PPP6R3: variants seen among roughly 807,000 people sequenced by gnomAD.
PPP6R3 encodes serine/threonine-protein phosphatase 6 regulatory subunit 3.
PPP6R3 carries 38 observed loss-of-function variants against 110.7 expected under a neutral mutation model. The observed-to-expected ratio is 0.34, with a 90% CI of 0.26 to 0.45. The LOEUF is 0.45. Among genes scored for constraint, PPP6R3 ranks in the 20% least tolerant of loss-of-function variants. The pLI is 1.00. For missense variants in PPP6R3, 870 were observed against 1,062.4 expected (o/e 0.82, Z 2.52); for synonymous variants, 369 against 373.5 (o/e 0.99, Z 0.14).
At chr11:68,475,511 C>T (rs1170191989) in intron 1 of PPP6R3, among the ~76,000 whole-genome samples, 1 of 151,768 alleles carries the variant, frequency 6.6e-6, no homozygotes, top group South Asian at 2.1e-4. Flanking sequence ...TGCCCGCCAC[C>T]TCCCGGACGG....
rs748969558 is a variant in PPP6R3 at position 68,544,871 on chromosome 11, T to C, written c.261T>C (p.Ser87=). 1.9e-6 allele frequency: 3 copies of C among 1,607,534 alleles called. No homozygotes were observed. In the Admixed American group the frequency reaches 5.0e-5, roughly 27 times the overall value. ...YPNISCELLT[S]DVSQMNDRLG... ...ATATATCTTGTGAGTTGCTCACTTC[T>C]GATGTCTCCCAGATGAATGATAGAC... The change falls in exon 4 of 24, where the codon TCT becomes TCC. Residue 87 remains serine, a synonymous_variant. Coordinates refer to ENST00000393800, the MANE Select transcript of PPP6R3 (RefSeq NM_001164161.2).
Position 68,614,069 on chromosome 11 carries a change from A to G in PPP6R3, c.*952A>G, listed in dbSNP as rs975481289. On this transcript the variant is annotated 3_prime_UTR_variant, in exon 24 of 24. Transcript: ENST00000393800. ...GACCTAAAATAAATCCTATTAGGCAAGTCAGTTGAAAATGCTCGTGCTGCT... is the reference window on the plus strand; with the variant it reads ...GACCTAAAATAAATCCTATTAGGCAGGTCAGTTGAAAATGCTCGTGCTGCT... 1.0e-6 allele frequency: 1 copy of G among 985,826 alleles called. No individual in the cohort carries two copies. The highest frequency in any genetic ancestry group is 6.1e-5 in the Admixed American group (1 of 16,266). 61.1% of individuals were successfully genotyped at this position (985,826 alleles called of 1,614,324 possible). A position where few individuals can be genotyped will look rare whatever the true frequency, so the allele number is the denominator to read the frequency against.
At chr11:68,550,339 C>A (rs2099365960) in intron 5 of PPP6R3, among the ~76,000 whole-genome samples, 1 of 152,172 alleles carries the variant, frequency 6.6e-6, no homozygotes, top group African/African-American at 2.4e-5. Context: ...TCTGCCCCCG[C>A]TGCCCGCCCT....
chr11:68,563,628 T>G (rs1242942969), intron 8 of PPP6R3, among the ~76,000 whole-genome samples: 1 of 152,202 alleles, frequency 6.6e-6, no homozygotes, highest in Non-Finnish European at 1.5e-5. Context: ...CAGTACTCAG[T>G]GCAGTATGCA....
chr11:68,585,769 AGTTG>A (rs2099576396), intron 15 of PPP6R3, among the ~76,000 whole-genome samples: 1 of 152,162 alleles, frequency 6.6e-6, no homozygotes, highest in Non-Finnish European at 1.5e-5. Flanking sequence ...TGTCTGTGTC[AGTTG>A]CTATGTATCT....
intron 15 of PPP6R3, chr11:68,587,222 ACT>A (rs1315877967): frequency 1.4e-5 from 2 of 139,002 alleles, no homozygotes; most frequent in African/African-American, 5.4e-5. Context: ...CAAGTCTGGT[ACT>A]CTCTAGATTT....
chr11:68,478,659 T>TTTTTTTTTTTTTTTTTTTTG (rs1210337659), intron 1 of PPP6R3, among the ~76,000 whole-genome samples: 1 of 122,336 alleles, frequency 8.2e-6, no homozygotes, highest in African/African-American at 3.2e-5. Context: ...TTTTTTTTTT[T>TTTTTTTTTTTTTTTTTTTTG]TTTTTTTTTT....
chr11:68,573,114 T>TATATATATATATA (rs1555173816), intron 12 of PPP6R3, among the ~76,000 whole-genome samples: 1 of 61,798 alleles, frequency 1.6e-5, no homozygotes, highest in East Asian at 8.8e-4. Flanking sequence ...TTTACTTATT[T>TATATATATATATA]TATATATATA....
rs540864709 is a variant in PPP6R3 at position 68,472,650 on chromosome 11, AG to A, written c.-158+11824del. ...TTTTTTAATGACAACATTATTGAGA[AG>A]TAATTCACAGACTATTCAATTGATC... On this transcript the variant is annotated intron_variant, in intron 1 of 23. Coordinates refer to ENST00000393800, the MANE Select transcript of PPP6R3 (RefSeq NM_001164161.2). Among the ~76,000 whole-genome samples the A allele has an allele frequency of 6.7e-4, 102 of 152,026 alleles. 1 individual carries two copies. In the East Asian group the frequency reaches 0.019, roughly 29 times the overall value.
intron 17 of PPP6R3, 122 bp from the exon 18 acceptor site, chr11:68,591,454 G>C: frequency 1.2e-6 from 1 of 839,384 alleles, no homozygotes; most frequent in East Asian, 2.9e-5. Flanking sequence ...TTATTTTGGT[G>C]TATGTGATAG....
intron 2 of PPP6R3, among the ~76,000 whole-genome samples, chr11:68,524,244 T>G (rs1346316258): frequency 6.6e-6 from 1 of 152,164 alleles, no homozygotes; most frequent in Admixed American, 6.5e-5. Flanking sequence ...ACTTACTGGT[T>G]CTTATTTCAT....
Position 68,491,194 on chromosome 11 carries a change from A to G in PPP6R3, c.-157-28307A>G, listed in dbSNP as rs113935066. On this transcript the variant is annotated intron_variant, in intron 1 of 23. Coordinates refer to ENST00000393800, the MANE Select transcript of PPP6R3 (RefSeq NM_001164161.2). ...AAAGCGAGATCCTGTCTCCAAAAAA[A>G]AAATTGCTGGTTTGGTAATTCTGCC... Among the ~76,000 whole-genome samples, 651 of 152,252 alleles carry G rather than the reference A, an allele frequency of 4.3e-3. 2 individuals are homozygous for G. The highest frequency in any genetic ancestry group is 0.014 in the African/African-American group (601 of 41,562).
At chr11:68,499,830 T>TC (rs2099038921) in intron 1 of PPP6R3, among the ~76,000 whole-genome samples, 1 of 152,004 alleles carries the variant, frequency 6.6e-6, no homozygotes, top group Non-Finnish European at 1.5e-5. Context: ...ACCTCGGCCC[T>TC]CCAAAGTGCT....
intron 14 of PPP6R3, among the ~76,000 whole-genome samples, chr11:68,578,007 T>C (rs1016059266): frequency 6.6e-6 from 1 of 152,232 alleles, no homozygotes; most frequent in Non-Finnish European, 1.5e-5. Context: ...TGGATCTAAA[T>C]ACTTCTTCAA....
chr11:68,535,799 TAAA>T (rs1269536453), intron 2 of PPP6R3, among the ~76,000 whole-genome samples: 6 of 78,382 alleles, frequency 7.7e-5, no homozygotes, highest in Admixed American at 1.5e-4. Flanking sequence ...CCGTCTCTAC[TAAA>T]AAAAAAAAAA....
intron 1 of PPP6R3, among the ~76,000 whole-genome samples, chr11:68,499,061 G>A (rs2099034316): frequency 6.6e-6 from 1 of 151,878 alleles, no homozygotes. Flanking sequence ...ACGTTTATTG[G>A]TCATTTGGAT....
intron 1 of PPP6R3, among the ~76,000 whole-genome samples, chr11:68,512,461 C>T (rs966378324): frequency 2.0e-5 from 3 of 152,186 alleles, no homozygotes; most frequent in Non-Finnish European, 4.4e-5. Context: ...TCCTGAAAAT[C>T]ACAAAAGATT....
intron 12 of PPP6R3, among the ~76,000 whole-genome samples, chr11:68,572,946 GT>G (rs11292703): frequency 0.25 from 36,806 of 146,456 alleles, 4,813 homozygotes; most frequent in Middle Eastern, 0.33. Flanking sequence ...AGCATAGGAT[GT>G]TTTTTTTTTC....
At position 68,519,621 on chromosome 11, in the gene PPP6R3, T is replaced by C; in HGVS notation, c.-37T>C. 5.0e-6 allele frequency: 2 copies of C among 398,558 alleles called. No individual in the cohort carries two copies. The highest frequency in any genetic ancestry group is 8.8e-6 in the Non-Finnish European group (2 of 226,052). 24.7% of individuals were successfully genotyped at this position (398,558 alleles called of 1,614,324 possible). Reference sequence around the variant, plus strand: ...GCAAGGAGCCACAAAGAAGAAAACATTTCTTTTAATTTTTAAACTTGGTTT... The same window carrying C: ...GCAAGGAGCCACAAAGAAGAAAACACTTCTTTTAATTTTTAAACTTGGTTT... On this transcript the variant is annotated 5_prime_UTR_variant, in exon 2 of 24. Coordinates refer to ENST00000393800, the MANE Select transcript of PPP6R3 (RefSeq NM_001164161.2).
Sources: allele counts gnomAD v4.1 joint callset (sites outside exome capture counted in the v4.1 genomes callset), GRCh38; gene constraint gnomAD v4.1.1; transcripts MANE v1.5; gene names NCBI Gene and HGNC (gene_info 2026-07-23, HGNC 2026-07-21).